The following CAMK2G variants were observed in gnomAD, a reference collection of about 807,000 sequenced individuals.
CAMK2G encodes calcium/calmodulin dependent protein kinase II gamma.
A neutral mutation model predicts 88.7 loss-of-function variants in CAMK2G; 23 were observed. The ratio of observed to expected loss-of-function variants is 0.26; its 90% CI spans 0.19 to 0.37. The LOEUF (loss-of-function observed/expected upper bound fraction) is 0.37, where lower values mean the gene tolerates loss of function less well. Ranked by LOEUF, CAMK2G falls within the 10% of genes least tolerant of loss-of-function variation. The probability of loss-of-function intolerance (pLI) is 1.00; values close to 1 mark genes in which losing one functional copy is unlikely to be tolerated. For missense variants in CAMK2G, 476 were observed against 780.8 expected, an observed-to-expected ratio of 0.61 and a Z score of 4.65; for synonymous variants, 263 against 294.8, an observed-to-expected ratio of 0.89 and a Z score of 1.11.
chr10:73,817,926 A>G (rs1333951079), intron 19 of CAMK2G: 2 of 262,532 alleles, frequency 7.6e-6, no homozygotes, highest in Admixed American at 4.6e-5. Context: ...GCATCTCCCA[A>G]TAAGGCCGCT....
chr10:73,832,974 T>TA (rs2092690146), intron 14 of CAMK2G, among the ~76,000 whole-genome samples: 1 of 151,342 alleles, frequency 6.6e-6, no homozygotes, highest in South Asian at 2.1e-4. Context: ...TCTCTTTTTT[T>TA]TTTTTTTTTA....
intron 2 of CAMK2G, among the ~76,000 whole-genome samples, chr10:73,868,156 C>G (rs1040099641): frequency 3.3e-5 from 5 of 152,214 alleles, no homozygotes; most frequent in African/African-American, 1.2e-4. Context: ...TGGTCACACC[C>G]AGCCTCCCCT....
intron 14 of CAMK2G, among the ~76,000 whole-genome samples, chr10:73,834,272 T>A (rs2092930026): frequency 6.6e-6 from 1 of 152,218 alleles, no homozygotes. Context: ...AATAAAAATA[T>A]TAACCCCTCC....
intron 20 of CAMK2G, 35 bp downstream of exon 20, chr10:73,817,444 A>G (rs1491002352): frequency 1.1e-5 from 15 of 1,402,792 alleles, no homozygotes; most frequent in Non-Finnish European, 1.5e-5. Flanking sequence ...TTGGGAGATG[A>G]CTTAGGTCAC....
At chr10:73,853,942 G>A (rs528033570) in intron 3 of CAMK2G, among the ~76,000 whole-genome samples, 4 of 152,306 alleles carry the variant, frequency 2.6e-5, no homozygotes, top group Non-Finnish European at 5.9e-5. Flanking sequence ...TGCCTTTGAG[G>A]AGTTTATTAT....
chr10:73,865,341 C>T (rs1179768665), intron 2 of CAMK2G, among the ~76,000 whole-genome samples: 26 of 152,188 alleles, frequency 1.7e-4, no homozygotes, highest in Non-Finnish European at 1.5e-5. Flanking sequence ...GCAGGAAGTG[C>T]CACTGTCCGC....
In CAMK2G at chr10:73,821,729, C is replaced by G. The variant is rs1242543424; in HGVS notation, c.1202G>C (p.Gly401Ala). The G allele has an allele frequency of 6.2e-7, 1 of 1,610,756 alleles. No individual in the cohort carries two copies. The highest frequency in any genetic ancestry group is 2.2e-5 in the East Asian group (1 of 44,872). The change falls in exon 18 of 23, where the codon GGC becomes GCC. Residue 401 changes from glycine (G) to alanine (A), a missense_variant and splice_region_variant. By Grantham distance (60) the Gly-to-Ala change is moderately conservative. Coordinates refer to ENST00000423381, the MANE Select transcript of CAMK2G (RefSeq NM_001367534.1). Reference protein sequence around the residue: ...VVHNATDGIKGSTESCNTTTE... With the variant: ...VVHNATDGIKASTESCNTTTE... Reference sequence around the variant, plus strand: ...GGTGGTGTTGCAGCTCTCTGTGGAGCCCTGTAGGCCAAAAAGAACATGTTT... The same window carrying G: ...GGTGGTGTTGCAGCTCTCTGTGGAGGCCTGTAGGCCAAAAAGAACATGTTT...
intron 12 of CAMK2G, among the ~76,000 whole-genome samples, chr10:73,841,370 G>C (rs1004305413): frequency 1.3e-5 from 2 of 152,134 alleles, no homozygotes; most frequent in South Asian, 2.1e-4. Context: ...AGGGAGGACC[G>C]GGGGAGATGG....
chr10:73,820,466 A>ATT lies in CAMK2G; in HGVS notation c.1250-822_1250-821insAA, dbSNP rs1399693953. On this transcript the variant is annotated intron_variant, in intron 18 of 22. Transcript: ENST00000423381. The stretch of plus-strand genomic sequence containing the variant: ...CCAGGACTATCTGGGTTTTATATTT[A>ATT]TATATATATATATATATATATATAT... Among the ~76,000 whole-genome samples the ATT allele has an allele frequency of 7.6e-4, 41 of 53,600 alleles. No homozygotes were observed. The East Asian group carries it at 0.014, about 18-fold the overall frequency. 35.2% of individuals were successfully genotyped at this position (53,600 alleles called of 152,430 possible).
rs1015735755 is a variant in CAMK2G, at chr10:73,848,142, A to G, written c.602-60T>C. 10 of 1,062,170 alleles carry G rather than the reference A, an allele frequency of 9.4e-6. 1 individual carries two copies. The Admixed American group carries it at 1.4e-4, about 15-fold the overall frequency. The allele number at this position is 1,062,170 out of a possible 1,614,324, so 65.8% of individuals were successfully genotyped here. The stretch of plus-strand genomic sequence containing the variant: ...TCGCCTACTTCCCTGAGGAACCAAG[A>G]AAAACCATGCAGGGCTCAGAGCCAC... On this transcript the variant is annotated intron_variant, in intron 8 of 22. Transcript: ENST00000423381. This position sits in a 1 kb window ranked among gnomAD's most constrained non-coding sequence, Gnocchi z 4.5.
At chr10:73,841,653 A>G (rs1172274370) in intron 12 of CAMK2G, among the ~76,000 whole-genome samples, 1 of 152,182 alleles carries the variant, frequency 6.6e-6, no homozygotes, top group Non-Finnish European at 1.5e-5. Context: ...TATAGCTAGT[A>G]TCTCAGGGAC....
At chr10:73,820,187 T>C (rs1278218470) in intron 18 of CAMK2G, among the ~76,000 whole-genome samples, 1 of 151,902 alleles carries the variant, frequency 6.6e-6, no homozygotes, top group Admixed American at 6.6e-5. Flanking sequence ...TGGCCCAAGG[T>C]CACTTACTGA....
chr10:73,820,050 C>G (rs2087345901), intron 18 of CAMK2G, among the ~76,000 whole-genome samples: 1 of 152,230 alleles, frequency 6.6e-6, no homozygotes. Flanking sequence ...CCTGGAGCTA[C>G]TATGATTCAC....
intron 3 of CAMK2G, among the ~76,000 whole-genome samples, chr10:73,857,445 G>C (rs1475067421): frequency 6.6e-6 from 1 of 152,098 alleles, no homozygotes; most frequent in Admixed American, 6.6e-5. Flanking sequence ...ATCTGGATGC[G>C]ACTCCGAAGC....
At chr10:73,852,561 A>G in intron 4 of CAMK2G, 1 of 532,366 alleles carries the variant, frequency 1.9e-6, no homozygotes. Flanking sequence ...AGATTCACTA[A>G]TAGTCAGGCA....
At chr10:73,843,617 C>T (rs1265053136) in intron 10 of CAMK2G, among the ~76,000 whole-genome samples, 1 of 152,126 alleles carries the variant, frequency 6.6e-6, no homozygotes, top group Non-Finnish European at 1.5e-5. Context: ...AGGTTGCTTG[C>T]CCTCTCCCCT....
At chr10:73,827,681 C>G (rs2091418359) in intron 15 of CAMK2G, among the ~76,000 whole-genome samples, 1 of 152,222 alleles carries the variant, frequency 6.6e-6, no homozygotes, top group Non-Finnish European at 1.5e-5. Flanking sequence ...GAGCCTGCAA[C>G]CAGCTCCTCT....
intron 1 of CAMK2G, chr10:73,873,297 G>A: frequency 7.8e-7 from 1 of 1,284,696 alleles, no homozygotes; most frequent in South Asian, 1.6e-5. Flanking sequence ...GGCGTGCCGC[G>A]CTCCCACCCC....
In CAMK2G at chr10:73,813,111, G is replaced by C. The variant is rs1361159258; in HGVS notation, c.*1407C>G. The C allele has an allele frequency of 6.5e-6, 1 of 152,714 alleles. No homozygotes were observed. Among genetic ancestry groups the C allele is most frequent in the Non-Finnish European group, 1.5e-5 (1 of 68,074 alleles). The allele number at this position is 152,714 out of a possible 1,614,324, so 9.5% of individuals were successfully genotyped here. ...GCAGCGTTGTTTTGAGGGAAACCAA[G>C]GCCATGACCAATTGCTCCTCCATTA... On this transcript the variant is annotated 3_prime_UTR_variant, in exon 23 of 23. Transcript: ENST00000423381.
Sources: gnomAD v4.1 joint callset for allele counts (sites outside exome capture counted in the v4.1 genomes callset) on GRCh38, gnomAD v4.1.1 for gene constraint, Gnocchi (gnomAD v3.1) non-coding constraint, MANE v1.5 for transcripts, NCBI Gene and HGNC (gene_info 2026-07-23, HGNC 2026-07-21) for gene names.